The following NF1 variants were observed in gnomAD, a reference collection of about 807,000 sequenced individuals.
NF1 encodes the protein neurofibromin.
A neutral mutation model predicts 325.7 loss-of-function variants in NF1; 122 were observed. The ratio of observed to expected loss-of-function variants is 0.37; its 90% CI spans 0.32 to 0.44. NF1 has a LOEUF of 0.44. Among genes scored for constraint, NF1 ranks in the 20% least tolerant of loss-of-function variants. The pLI is 1.00. For synonymous variants in NF1, 1,091 were observed against 1,186.0 expected (o/e 0.92, Z 1.65); for missense variants, 2,140 against 3,415.4 (o/e 0.63, Z 9.31).
intron 57 of NF1, 65 bp downstream of exon 57, chr17:31,360,768 C>T (rs2070378933): frequency 7.1e-6 from 10 of 1,418,090 alleles, no homozygotes; most frequent in Non-Finnish European, 1.0e-5. Flanking sequence ...TAGGAATTCC[C>T]TTGTGATCAG....
rs2066877456 is a variant in NF1 at position 31,219,113 on chromosome 17, A to G, written c.1636A>G (p.Met546Val). The G allele has an allele frequency of 6.2e-7, 1 of 1,613,196 alleles. No homozygotes were observed. The highest frequency in any genetic ancestry group is 8.5e-7 in the Non-Finnish European group (1 of 1,179,588). Reference sequence around the variant, plus strand: ...CATGCCAGAGATTGCTCAGGAAGCAATGGAGGTAAGGGGAAAATGAATTCC... The same window carrying G: ...CATGCCAGAGATTGCTCAGGAAGCAGTGGAGGTAAGGGGAAAATGAATTCC... ...SHMPEIAQEAMEALLVLHQLD... is the reference protein window; with the variant it reads ...SHMPEIAQEAVEALLVLHQLD... Residue 546 changes from methionine to valine, a missense_variant, in exon 14 of 58, where the codon ATG becomes GTG. Physicochemically the swap from Met to Val is conservative, Grantham distance 21. Around this residue, in one of 10 missense-constraint regions of NF1, gnomAD observed 179 missense variants for 381.0 expected, o/e 0.47. Transcript: ENST00000358273.
At chr17:31,104,882 A>G (rs1490318307) in intron 1 of NF1, among the ~76,000 whole-genome samples, 1 of 152,184 alleles carries the variant, frequency 6.6e-6, no homozygotes, top group Non-Finnish European at 1.5e-5. Context: ...TTCTCTGCAT[A>G]TAACTGGTTT....
chr17:31,304,766 G>A, intron 36 of NF1: 2 of 1,614,124 alleles, frequency 1.2e-6, no homozygotes, highest in South Asian at 1.1e-5. Context: ...TCTGCTAAAA[G>A]TGTGCTTTTG....
At position 31,295,541 on chromosome 17, in the gene NF1, T is replaced by C. The variant is rs528300729; in HGVS notation, c.4835+30202T>C. 25 of 1,614,160 alleles carry C rather than the reference T, an allele frequency of 1.5e-5. No homozygotes were observed. In the African/African-American group the frequency reaches 2.7e-4, roughly 17 times the overall value. ...TCCAGAAGGTGTGGGATACATGTTA[T>C]GTTCCTTTAAAGATGATATTTGGGT... On this transcript the variant is annotated intron_variant, in intron 36 of 57. Coordinates refer to ENST00000358273, the MANE Select transcript of NF1 (RefSeq NM_001042492.3).
intron 36 of NF1, among the ~76,000 whole-genome samples, chr17:31,274,406 A>G (rs908181518): frequency 1.3e-5 from 2 of 152,166 alleles, no homozygotes; most frequent in African/African-American, 2.4e-5. Flanking sequence ...CATACAAGGA[A>G]ATTGCAACAT....
At chr17:31,355,063 AAG>A (rs1445373350) in intron 51 of NF1, among the ~76,000 whole-genome samples, 1 of 152,220 alleles carries the variant, frequency 6.6e-6, no homozygotes. Flanking sequence ...GTATATATCT[AAG>A]AGATAAACCA....
intron 36 of NF1, among the ~76,000 whole-genome samples, chr17:31,293,178 C>CAAAAAAAAAAAAAAAAAAAAAAA (rs71142044): frequency 1.5e-4 from 10 of 64,884 alleles, no homozygotes; most frequent in African/African-American, 1.9e-4. Context: ...GACTTCGTCT[C>CAAAAAAAAAAAAAAAAAAAAAAA]AAAAAAAAAA....
At chr17:31,123,628 G>T (rs943903874) in intron 1 of NF1, among the ~76,000 whole-genome samples, 1 of 152,146 alleles carries the variant, frequency 6.6e-6, no homozygotes, top group Non-Finnish European at 1.5e-5. Context: ...ATTAATTTTT[G>T]CAAGTGAAGA....
intron 1 of NF1, among the ~76,000 whole-genome samples, chr17:31,108,700 A>G (rs1022098645): frequency 1.1e-4 from 17 of 152,134 alleles, no homozygotes; most frequent in African/African-American, 4.1e-4. Flanking sequence ...AATCCTATAT[A>G]TCATTTCAGC....
At chr17:31,173,295 A>G (rs970518963) in intron 5 of NF1, among the ~76,000 whole-genome samples, 2 of 152,152 alleles carry the variant, frequency 1.3e-5, no homozygotes, top group Admixed American at 6.5e-5. Context: ...CTGTAGTCCC[A>G]GCTTCTTGGG....
intron 1 of NF1, among the ~76,000 whole-genome samples, chr17:31,154,161 T>C (rs1405026482): frequency 6.7e-6 from 1 of 148,558 alleles, no homozygotes; most frequent in Non-Finnish European, 1.5e-5. Flanking sequence ...GTTCAAGCCA[T>C]TCTCGTGCCT....
chr17:31,110,248 A>G (rs1277134250), intron 1 of NF1, among the ~76,000 whole-genome samples: 2 of 152,196 alleles, frequency 1.3e-5, no homozygotes, highest in Non-Finnish European at 2.9e-5. Flanking sequence ...TTAAAAATCA[A>G]TACTAAAAAA....
intron 1 of NF1, among the ~76,000 whole-genome samples, chr17:31,110,714 C>G (rs781144017): frequency 6.6e-6 from 1 of 151,794 alleles, no homozygotes; most frequent in Non-Finnish European, 1.5e-5. Context: ...AAGGAAAATA[C>G]GGAGAAAATG....
At position 31,163,184 on chromosome 17, in the gene NF1, A is replaced by G. The variant is rs2143670119; in HGVS notation, c.289-2A>G. 6.2e-7 allele frequency: 1 copy of G among 1,613,952 alleles called. No homozygotes were observed. The highest frequency in any genetic ancestry group is 8.5e-7 in the Non-Finnish European group (1 of 1,179,858). On this transcript the variant is annotated splice_acceptor_variant, in intron 3 of 57. Transcript: ENST00000358273. LOFTEE classifies it high-confidence loss of function. ...AGAATAATGTGATTATTTCTATTTT[A>G]GCAACCAAAGGACACAATGAGATTA...
Position 31,230,897 on chromosome 17 carries a change from G to A in NF1, c.3169G>A (p.Ala1057Thr), listed in dbSNP as rs1367746167. The change falls in exon 24 of 58, where the codon GCA (alanine) becomes ACA (threonine). Residue 1057 changes from alanine to threonine, a missense_variant. By Grantham distance (58) the Ala-to-Thr change is moderately conservative. Transcript: ENST00000358273. Reference sequence around the variant, plus strand: ...GGTTATGGGAACATCAAACCAAGCAGCAGATGATGATGTAAAATGTCTTAC... The same window carrying A: ...GGTTATGGGAACATCAAACCAAGCAACAGATGATGATGTAAAATGTCTTAC... ...DWVMGTSNQA[A>T]DDDVKCLTRD... 3.7e-6 allele frequency: 6 copies of A among 1,611,078 alleles called. No individual in the cohort carries two copies. Among genetic ancestry groups the A allele is most frequent in the African/African-American group, 2.7e-5 (2 of 74,962 alleles).
At chr17:31,312,559 A>C (rs2068906269) in intron 36 of NF1, among the ~76,000 whole-genome samples, 1 of 151,988 alleles carries the variant, frequency 6.6e-6, no homozygotes, top group South Asian at 2.1e-4. Flanking sequence ...TGACAAAAAC[A>C]CACCATAAGG....
At chr17:31,295,474 C>T (rs1465920254) in intron 36 of NF1, 1 of 1,614,100 alleles carries the variant, frequency 6.2e-7, no homozygotes, top group East Asian at 2.2e-5. Flanking sequence ...TAATGGTGTC[C>T]ACTGTCTGCA....
At chr17:31,214,280 T>TA (rs555050726) in intron 12 of NF1, among the ~76,000 whole-genome samples, 171 bp from the exon 13 acceptor site, 2 of 152,150 alleles carry the variant, frequency 1.3e-5, no homozygotes, top group Non-Finnish European at 2.9e-5. Flanking sequence ...TTGTTAAGCT[T>TA]AATAATACTG....
chr17:31,205,143 T>G (rs965412149), intron 11 of NF1, among the ~76,000 whole-genome samples: 3 of 152,112 alleles, frequency 2.0e-5, no homozygotes, highest in Admixed American at 6.5e-5. Flanking sequence ...AATCCACAGT[T>G]TGGGTTAAGG....
Sources: gnomAD v4.1 joint callset for allele counts (sites outside exome capture counted in the v4.1 genomes callset) on GRCh38, gnomAD v4.1.1 for gene constraint, gnomAD v4.1.1 regional missense constraint, MANE v1.5 for transcripts, NCBI Gene and HGNC (gene_info 2026-07-23, HGNC 2026-07-21) for gene names.